MSRA: variants seen among roughly 807,000 people sequenced by gnomAD.
MSRA encodes methionine sulfoxide reductase A.
In MSRA, 54 loss-of-function variants were observed where a neutral mutation model predicts 31.3. The ratio of observed to expected loss-of-function variants is 1.73; its 90% confidence interval spans 1.39 to 2.17. The LOEUF is 2.17. MSRA is among the 30% of genes most tolerant of loss of function. The pLI is 0.00. For synonymous variants in MSRA, 169 were observed against 116.5 expected (o/e 1.45, Z -2.90); for missense variants, 507 against 300.9 (o/e 1.69, Z -5.07).
At chr8:10,355,720 G>C (rs1804468036) in intron 5 of MSRA, among the ~76,000 whole-genome samples, 1 of 152,152 alleles carries the variant, frequency 6.6e-6, no homozygotes, top group Admixed American at 6.5e-5. Flanking sequence ...GGAAAGCAGA[G>C]GATTGGTGGT....
chr8:10,336,317 G>A (rs1803040514), intron 5 of MSRA, among the ~76,000 whole-genome samples: 1 of 151,964 alleles, frequency 6.6e-6, no homozygotes, highest in Non-Finnish European at 1.5e-5. Flanking sequence ...AGAGACACTT[G>A]GTTGACTTAA....
chr8:10,399,748 C>T (rs984595221), intron 5 of MSRA, among the ~76,000 whole-genome samples: 1 of 152,086 alleles, frequency 6.6e-6, no homozygotes, highest in African/African-American at 2.4e-5. Flanking sequence ...GGTAGCGCTA[C>T]ATAGGAGGGT....
At chr8:10,306,351 G>A (rs1801138946) in intron 4 of MSRA, among the ~76,000 whole-genome samples, 1 of 152,062 alleles carries the variant, frequency 6.6e-6, no homozygotes, top group South Asian at 2.1e-4. Context: ...GCCAGTGCCA[G>A]GTATTGTTGT....
chr8:10,331,673 A>T (rs76100278), intron 5 of MSRA, among the ~76,000 whole-genome samples: 69 of 152,312 alleles, frequency 4.5e-4, no homozygotes, highest in African/African-American at 1.4e-3. Flanking sequence ...TCGGTATCCA[A>T]TGGGGATTGC....
At chr8:10,336,473 C>T (rs143705907) in intron 5 of MSRA, among the ~76,000 whole-genome samples, 230 of 146,566 alleles carry the variant, frequency 1.6e-3, no homozygotes, top group African/African-American at 5.3e-3. Context: ...TGTTTGGCTT[C>T]TTTACAAAGT....
intron 5 of MSRA, among the ~76,000 whole-genome samples, chr8:10,417,900 C>T (rs950469675): frequency 2.0e-5 from 3 of 151,882 alleles, no homozygotes; most frequent in Non-Finnish European, 2.9e-5. Context: ...AAGTGAAGTG[C>T]CTTGTACAGG....
In MSRA at chr8:10,311,273, GA is replaced by G. The variant is rs1801416950; in HGVS notation, c.437-8609del. ...CACATCAAAGGGCTGACAGAACTAT[GA>G]GGAATTAACCAGGTTAAAATGGAAG... On this transcript the variant is annotated intron_variant, in intron 4 of 5. Coordinates refer to ENST00000317173, the MANE Select transcript of MSRA (RefSeq NM_012331.5). Among the ~76,000 whole-genome samples the G allele has an allele frequency of 2.0e-5, 3 of 152,202 alleles. No homozygotes were observed. In the South Asian group the frequency reaches 6.2e-4, roughly 32 times the overall value.
At chr8:10,263,792 T>G (rs565609435) in intron 3 of MSRA, among the ~76,000 whole-genome samples, 1 of 152,212 alleles carries the variant, frequency 6.6e-6, no homozygotes, top group African/African-American at 2.4e-5. Context: ...GAGTGAGATC[T>G]TCACAGTGTG....
At chr8:10,399,769 G>T (rs1751171091) in intron 5 of MSRA, among the ~76,000 whole-genome samples, 1 of 152,200 alleles carries the variant, frequency 6.6e-6, no homozygotes, top group South Asian at 2.1e-4. Context: ...GCAATGGACG[G>T]CAGTGGAGGT....
intron 3 of MSRA, among the ~76,000 whole-genome samples, chr8:10,253,957 T>A (rs535548034): frequency 1.3e-5 from 2 of 152,228 alleles, no homozygotes; most frequent in African/African-American, 4.8e-5. Flanking sequence ...TTGCTCGTCA[T>A]GGGAGTGAAG....
At chr8:10,410,675 T>G (rs1808102381) in intron 5 of MSRA, among the ~76,000 whole-genome samples, 1 of 152,122 alleles carries the variant, frequency 6.6e-6, no homozygotes, top group Non-Finnish European at 1.5e-5. Context: ...GTCCCCAACC[T>G]CTATGCAAAC....
At chr8:10,297,119 C>T (rs1406636187) in intron 3 of MSRA, among the ~76,000 whole-genome samples, 6 of 152,152 alleles carry the variant, frequency 3.9e-5, no homozygotes. Flanking sequence ...CCATGGATGA[C>T]TTAGCTTCCA....
At chr8:10,058,039 G>C (rs1205695393) in intron 1 of MSRA, among the ~76,000 whole-genome samples, 2 of 152,140 alleles carry the variant, frequency 1.3e-5, no homozygotes, top group Non-Finnish European at 2.9e-5. Context: ...ATTTGGAGCT[G>C]TCCTTTAAAA....
At chr8:10,275,779 A>C (rs536327358) in intron 3 of MSRA, among the ~76,000 whole-genome samples, 1 of 152,364 alleles carries the variant, frequency 6.6e-6, no homozygotes, top group South Asian at 2.1e-4. Flanking sequence ...AGTACAATCC[A>C]TGAAAAAAGC....
At chr8:10,227,289 T>C (rs1419632984) in intron 2 of MSRA, among the ~76,000 whole-genome samples, 2 of 152,132 alleles carry the variant, frequency 1.3e-5, no homozygotes, top group Non-Finnish European at 2.9e-5. Flanking sequence ...CCTTGTGACC[T>C]CAAGGGAGAG....
chr8:10,088,926 A>G (rs1420951504), intron 1 of MSRA, among the ~76,000 whole-genome samples: 1 of 152,210 alleles, frequency 6.6e-6, no homozygotes, highest in South Asian at 2.1e-4. Context: ...AAATATTTTT[A>G]AAAAGATCTC....
At chr8:10,320,127 C>T in intron 5 of MSRA, 138 bp downstream of exon 5, 1 of 585,972 alleles carries the variant, frequency 1.7e-6, no homozygotes, top group Non-Finnish European at 3.0e-6. Flanking sequence ...CTGTCAGCCT[C>T]TAGGAGTGGA....
At chr8:10,365,631 T>G (rs1196951597) in intron 5 of MSRA, among the ~76,000 whole-genome samples, 1 of 152,212 alleles carries the variant, frequency 6.6e-6, no homozygotes, top group African/African-American at 2.4e-5. Context: ...AGGAACTACT[T>G]ATAGACTGAG....
chr8:10,090,998 T>C (rs893065176), intron 1 of MSRA, among the ~76,000 whole-genome samples: 1 of 152,238 alleles, frequency 6.6e-6, no homozygotes, highest in Admixed American at 6.5e-5. Context: ...GGCATTTATG[T>C]GTGCATTTTT....
Sources: allele counts gnomAD v4.1 joint callset (sites outside exome capture counted in the v4.1 genomes callset), GRCh38; gene constraint gnomAD v4.1.1; transcripts MANE v1.5; gene names NCBI Gene and HGNC (gene_info 2026-07-23, HGNC 2026-07-21).